The following GRIP1 variants were observed in gnomAD, a reference collection of about 807,000 sequenced individuals.
The protein encoded by GRIP1 is glutamate receptor-interacting protein 1.
A neutral mutation model predicts 129.9 loss-of-function variants in GRIP1; 45 were observed. The ratio of observed to expected loss-of-function variants is 0.35; its 90% CI spans 0.27 to 0.44. The LOEUF (loss-of-function observed/expected upper bound fraction) is 0.44. Among genes scored for constraint, GRIP1 ranks in the 20% least tolerant of loss-of-function variants. GRIP1 has a pLI of 1.00. For missense variants in GRIP1, 1,196 were observed against 1,396.8 expected, an observed-to-expected ratio of 0.86 and a Z score of 2.29; for synonymous variants, 530 against 520.8, an observed-to-expected ratio of 1.02 and a Z score of -0.24.
chr12:66,870,296 A>G (rs913349579), intron 1 of GRIP1, among the ~76,000 whole-genome samples: 1 of 152,164 alleles, frequency 6.6e-6, no homozygotes, highest in African/African-American at 2.4e-5. Flanking sequence ...GAGAAAAATG[A>G]TAAAGTTATT....
At chr12:66,686,254 A>G (rs936239064) in intron 1 of GRIP1, among the ~76,000 whole-genome samples, 8 of 152,218 alleles carry the variant, frequency 5.3e-5, no homozygotes, top group Admixed American at 1.3e-4. Context: ...TTCACCAAAT[A>G]TGAAGAAACA....
At chr12:66,360,479 T>C (rs1407281787) in intron 23 of GRIP1, among the ~76,000 whole-genome samples, 2 of 152,144 alleles carry the variant, frequency 1.3e-5, no homozygotes, top group Non-Finnish European at 2.9e-5. Flanking sequence ...ATGAACACAG[T>C]TGCAAGGTTT....
At chr12:66,857,556 G>GAA (rs61311434) in intron 1 of GRIP1, among the ~76,000 whole-genome samples, 74 of 125,696 alleles carry the variant, frequency 5.9e-4, no homozygotes, top group Admixed American at 8.0e-4. Flanking sequence ...CTAGTCTCAG[G>GAA]AAAAAAAAAA....
At chr12:66,518,111 A>T in intron 5 of GRIP1, 135 bp from the exon 6 acceptor site, 2 of 712,222 alleles carry the variant, frequency 2.8e-6, no homozygotes, top group Non-Finnish European at 5.1e-6. Flanking sequence ...CTTGAGGCAT[A>T]CAAAAGCCTT....
At chr12:66,582,576 A>G (rs1223453744) in intron 2 of GRIP1, among the ~76,000 whole-genome samples, 4 of 138,854 alleles carry the variant, frequency 2.9e-5, no homozygotes, top group African/African-American at 1.1e-4. Context: ...TACAAAATCA[A>G]CGTACAAAAA....
chr12:66,828,555 C>T (rs1284792748), intron 1 of GRIP1, among the ~76,000 whole-genome samples: 1 of 152,130 alleles, frequency 6.6e-6, no homozygotes, highest in East Asian at 1.9e-4. Context: ...GATTAACTCC[C>T]ATCATTTTTC....
chr12:66,593,946 T>C (rs911961570), intron 2 of GRIP1, among the ~76,000 whole-genome samples: 1 of 151,738 alleles, frequency 6.6e-6, no homozygotes, highest in Non-Finnish European at 1.5e-5. Context: ...TGGATGCCTG[T>C]AGTCCCAGCT....
intron 1 of GRIP1, among the ~76,000 whole-genome samples, chr12:66,753,765 T>C (rs1190459461): frequency 6.6e-6 from 1 of 152,176 alleles, no homozygotes; most frequent in African/African-American, 2.4e-5. Flanking sequence ...TTATTTAACT[T>C]TGAATTCTTA....
chr12:66,629,463 C>T (rs1182283928), intron 1 of GRIP1, among the ~76,000 whole-genome samples: 1 of 152,178 alleles, frequency 6.6e-6, no homozygotes, highest in African/African-American at 2.4e-5. Context: ...AGCTTGGATT[C>T]CACTGAGCCA....
At chr12:66,754,300 A>G (rs1241034502) in intron 1 of GRIP1, among the ~76,000 whole-genome samples, 1 of 152,236 alleles carries the variant, frequency 6.6e-6, no homozygotes, top group African/African-American at 2.4e-5. Flanking sequence ...AAAGGTTTAT[A>G]GTCTATGTTA....
At chr12:67,006,315 A>G (rs571561924) in intron 1 of GRIP1, among the ~76,000 whole-genome samples, 4 of 152,286 alleles carry the variant, frequency 2.6e-5, no homozygotes, top group Non-Finnish European at 5.9e-5. Flanking sequence ...CTGTAATACC[A>G]GCACTTTGTG....
At chr12:66,546,014 C>A (rs2061936328) in intron 2 of GRIP1, among the ~76,000 whole-genome samples, 1 of 152,138 alleles carries the variant, frequency 6.6e-6, no homozygotes, top group South Asian at 2.1e-4. Flanking sequence ...GACATTAATT[C>A]TTTCCAAATT....
At chr12:66,400,385 G>A (rs2056941234) in intron 16 of GRIP1, among the ~76,000 whole-genome samples, 4 of 152,176 alleles carry the variant, frequency 2.6e-5, no homozygotes, top group Admixed American at 2.6e-4. Flanking sequence ...TCCTAGGACA[G>A]CCAAGATCAT....
chr12:66,930,154 G>T, intron 1 of GRIP1, among the ~76,000 whole-genome samples: 2 of 141,354 alleles, frequency 1.4e-5, no homozygotes. Flanking sequence ...TGTGCACATT[G>T]TGCAGGTTAG....
intron 2 of GRIP1, among the ~76,000 whole-genome samples, chr12:66,570,592 A>G (rs1490321098): frequency 1.3e-5 from 2 of 152,172 alleles, no homozygotes; most frequent in Non-Finnish European, 2.9e-5. Context: ...GGCCATTTCT[A>G]GCTTTAGCAT....
At chr12:66,616,155 T>G (rs989557423) in intron 1 of GRIP1, among the ~76,000 whole-genome samples, 1 of 152,142 alleles carries the variant, frequency 6.6e-6, no homozygotes, top group African/African-American at 2.4e-5. Flanking sequence ...AACTAAGGGA[T>G]ATAATGATGT....
intron 1 of GRIP1, among the ~76,000 whole-genome samples, chr12:66,872,951 A>T (rs1036930839): frequency 6.6e-6 from 1 of 152,088 alleles, no homozygotes; most frequent in Non-Finnish European, 1.5e-5. Context: ...GAAGAATTGA[A>T]GAGTGACTTA....
At chr12:66,721,154 G>A (rs1216202544) in intron 1 of GRIP1, among the ~76,000 whole-genome samples, 11 of 152,040 alleles carry the variant, frequency 7.2e-5, no homozygotes, top group African/African-American at 2.4e-4. Context: ...CTTGCATCAC[G>A]GTACATTGTC....
intron 1 of GRIP1, among the ~76,000 whole-genome samples, chr12:66,916,849 A>G (rs1229737753): frequency 2.6e-5 from 4 of 152,150 alleles, no homozygotes; most frequent in Admixed American, 2.6e-4. Context: ...TACCCTACCT[A>G]GAGGCCTGAT....
Sources: allele counts gnomAD v4.1 joint callset (sites outside exome capture counted in the v4.1 genomes callset), GRCh38; gene constraint gnomAD v4.1.1; transcripts MANE v1.5; gene names NCBI Gene and HGNC (gene_info 2026-07-23, HGNC 2026-07-21).